SDK1: variants seen among roughly 807,000 people sequenced by gnomAD.
The protein encoded by SDK1 is sidekick cell adhesion molecule 1.
A neutral mutation model predicts 245.5 loss-of-function variants in SDK1; 157 were observed. The observed-to-expected ratio is 0.64, with a 90% CI of 0.56 to 0.73. SDK1 has a LOEUF of 0.73. Among genes scored for constraint, SDK1 ranks in the 30% least tolerant of loss-of-function variants. The pLI is 0.00. For synonymous variants in SDK1, 1,647 were observed against 1,278.5 expected (o/e 1.29, Z -6.15); for missense variants, 3,583 against 3,002.3 (o/e 1.19, Z -4.52).
chr7:3,431,436 A>G lies in SDK1; in HGVS notation c.298+129552A>G, dbSNP rs571257125. Among the ~76,000 whole-genome samples the G allele has an allele frequency of 7.4e-4, 108 of 145,278 alleles. 1 individual carries two copies. Among genetic ancestry groups the G allele is most frequent in the African/African-American group, 2.7e-3 (105 of 38,196 alleles). On this transcript the variant is annotated intron_variant, in intron 1 of 44. Coordinates refer to ENST00000404826, the MANE Select transcript of SDK1 (RefSeq NM_152744.4). ...CCTAATAGCCTGCTGATTTTTGTAG[A>G]TGATTACTCTGAAAACATATGCATT...
intron 28 of SDK1, among the ~76,000 whole-genome samples, chr7:4,142,422 G>T (rs10951438): frequency 1.3e-5 from 2 of 151,552 alleles, no homozygotes; most frequent in Non-Finnish European, 2.9e-5. Context: ...TCCGCCTCCC[G>T]GGTTCAAGCG....
Position 4,198,884 on chromosome 7 carries a change from G to C in SDK1, c.5099-6995G>C, listed in dbSNP as rs1281512940. On this transcript the variant is annotated intron_variant, in intron 35 of 44. Transcript: ENST00000404826. The stretch of plus-strand genomic sequence containing the variant: ...GCTGGAGTGCAGTGGCGTGATCTCG[G>C]CTCACTGCAACCTCCGCCTCCCTGG... 2.0e-5 allele frequency among the ~76,000 whole-genome samples: 3 copies of C among 151,308 alleles called. No homozygotes were observed. In the East Asian group the frequency reaches 5.8e-4, roughly 29 times the overall value.
At chr7:3,745,886 T>G (rs1478810106) in intron 4 of SDK1, among the ~76,000 whole-genome samples, 3 of 152,242 alleles carry the variant, frequency 2.0e-5, no homozygotes, top group Non-Finnish European at 4.4e-5. Flanking sequence ...AGATTTTCTG[T>G]ATAATTATGA....
chr7:3,529,307 C>T (rs1783262538), intron 1 of SDK1, among the ~76,000 whole-genome samples: 2 of 152,112 alleles, frequency 1.3e-5, no homozygotes, highest in South Asian at 4.1e-4. Flanking sequence ...AAATTCCATC[C>T]TCTACTAAAA....
Position 3,731,135 on chromosome 7 carries a change from A to C in SDK1, c.713+89030A>C, listed in dbSNP as rs575886350. On this transcript the variant is annotated intron_variant, in intron 4 of 44. Transcript: ENST00000404826. Reference sequence around the variant, plus strand: ...TGTTTCTGCTAGTCTGCACTCACTCATGCATCCATCACCGCAGTGGCAGGG... The same window carrying C: ...TGTTTCTGCTAGTCTGCACTCACTCCTGCATCCATCACCGCAGTGGCAGGG... 2.6e-5 allele frequency among the ~76,000 whole-genome samples: 4 copies of C among 152,266 alleles called. 1 individual carries two copies. The highest frequency in any genetic ancestry group is 9.6e-5 in the African/African-American group (4 of 41,558).
intron 1 of SDK1, among the ~76,000 whole-genome samples, chr7:3,456,485 G>T (rs1308026196): frequency 6.6e-6 from 1 of 151,974 alleles, no homozygotes; most frequent in African/African-American, 2.4e-5. Flanking sequence ...TTTGTTATCT[G>T]CATTCTCTTA....
intron 38 of SDK1, among the ~76,000 whole-genome samples, chr7:4,217,907 A>C (rs1784923549): frequency 6.6e-6 from 1 of 152,018 alleles, no homozygotes; most frequent in Non-Finnish European, 1.5e-5. Flanking sequence ...CTCCAGGGAG[A>C]AGGAAGGCAT....
intron 21 of SDK1, among the ~76,000 whole-genome samples, chr7:4,077,843 A>T (rs190141016): frequency 6.6e-6 from 1 of 152,218 alleles, no homozygotes; most frequent in African/African-American, 2.4e-5. Flanking sequence ...GGGAGTTACA[A>T]TTCAAGATGA....
At chr7:3,680,078 C>T (rs1049690631) in intron 4 of SDK1, among the ~76,000 whole-genome samples, 3 of 152,140 alleles carry the variant, frequency 2.0e-5, no homozygotes, top group Non-Finnish European at 4.4e-5. Flanking sequence ...CGTGGTGCAT[C>T]CGCAGCATGG....
chr7:4,130,182 T>C (rs1784708937), intron 27 of SDK1, 85 bp downstream of exon 27: 1 of 1,370,750 alleles, frequency 7.3e-7, no homozygotes, highest in African/African-American at 1.5e-5. Context: ...TGTTGTCGCT[T>C]TTAACTTAAT....
At chr7:3,371,753 C>G (rs914842476) in intron 1 of SDK1, among the ~76,000 whole-genome samples, 3 of 152,038 alleles carry the variant, frequency 2.0e-5, no homozygotes, top group African/African-American at 7.2e-5. Context: ...ATCCTTCACC[C>G]AAGAGGAGTT....
chr7:3,764,514 C>T (rs1222651108), intron 4 of SDK1, among the ~76,000 whole-genome samples: 3 of 151,986 alleles, frequency 2.0e-5, no homozygotes, highest in African/African-American at 4.8e-5. Flanking sequence ...GGTGAAATCC[C>T]GCCTCTACTA....
In SDK1 at chr7:4,267,195, T is replaced by A. The variant is rs767122401; in HGVS notation, c.*1811T>A. ...TCTCTCCTCCCTTCCTTCCCCTCCT[T>A]CCTTTCCTTTACCCCTCCTTTCCTT... On this transcript the variant is annotated 3_prime_UTR_variant, in exon 45 of 45. Transcript: ENST00000404826. 2 of 957,420 alleles carry A rather than the reference T, an allele frequency of 2.1e-6. No homozygotes were observed. The highest frequency in any genetic ancestry group is 2.5e-6 in the Non-Finnish European group (2 of 804,806). 59.3% of individuals were successfully genotyped at this position (957,420 alleles called of 1,614,324 possible).
intron 22 of SDK1, among the ~76,000 whole-genome samples, chr7:4,084,597 T>C (rs1035582147): frequency 2.6e-5 from 4 of 152,160 alleles, no homozygotes; most frequent in African/African-American, 7.2e-5. Context: ...AGAACATATT[T>C]TCTGAAGCAT....
At chr7:3,328,101 G>A (rs1048058120) in intron 1 of SDK1, among the ~76,000 whole-genome samples, 1 of 152,116 alleles carries the variant, frequency 6.6e-6, no homozygotes. Context: ...TATTCTGTGT[G>A]TGTTTAACTT....
chr7:4,073,512 A>C (rs947784578), intron 20 of SDK1, among the ~76,000 whole-genome samples: 1 of 152,256 alleles, frequency 6.6e-6, no homozygotes, highest in African/African-American at 2.4e-5. Context: ...CTAGGTCGAC[A>C]TGACAAACAT....
intron 1 of SDK1, among the ~76,000 whole-genome samples, chr7:3,503,795 A>G (rs1042954312): frequency 3.3e-5 from 5 of 152,194 alleles, no homozygotes; most frequent in Non-Finnish European, 5.9e-5. Flanking sequence ...TGTTAAATCG[A>G]AGATGTAAGT....
chr7:3,440,981 G>GT (rs1313611899), intron 1 of SDK1, among the ~76,000 whole-genome samples: 1 of 152,174 alleles, frequency 6.6e-6, no homozygotes, highest in African/African-American at 2.4e-5. Context: ...GTGAGGGATA[G>GT]TTACACAGAT....
chr7:4,090,908 T>G (rs577136292), intron 22 of SDK1, among the ~76,000 whole-genome samples: 5 of 152,260 alleles, frequency 3.3e-5, no homozygotes, highest in African/African-American at 9.6e-5. Flanking sequence ...CTTTTCTACA[T>G]CTATCCGAGC....
Sources: allele counts gnomAD v4.1 joint callset (sites outside exome capture counted in the v4.1 genomes callset), GRCh38; gene constraint gnomAD v4.1.1; transcripts MANE v1.5; gene names NCBI Gene and HGNC (gene_info 2026-07-23, HGNC 2026-07-21).